Variants in DENND1A observed in about 807,000 individuals in gnomAD.
The protein encoded by DENND1A is DENN domain containing 1A, also known as DENN domain-containing protein 1A.
DENND1A carries 51 observed loss-of-function variants against 113.7 expected under a neutral mutation model. The ratio of observed to expected loss-of-function variants is 0.45; its 90% CI spans 0.36 to 0.57. The LOEUF is 0.57. DENND1A is among the 20% of genes least tolerant of loss of function. The probability of loss-of-function intolerance (pLI) is 0.00; values close to 1 mark genes in which losing one functional copy is unlikely to be tolerated. For synonymous variants in DENND1A, 565 were observed against 570.8 expected (o/e 0.99, Z 0.14); for missense variants, 1,258 against 1,395.9 (o/e 0.90, Z 1.57).
Position 123,816,482 on chromosome 9 carries a change from G to A in DENND1A, c.89-23852C>T, listed in dbSNP as rs185295349. Among the ~76,000 whole-genome samples, 502 of 152,302 alleles carry A rather than the reference G, an allele frequency of 3.3e-3. 4 individuals carry two copies. Among genetic ancestry groups the A allele is most frequent in the African/African-American group, 0.012 (481 of 41,558 alleles). On this transcript the variant is annotated intron_variant, in intron 2 of 23. Coordinates refer to ENST00000394215, the MANE Select transcript of DENND1A (RefSeq NM_001352964.2). ...GGTCTAGCCAGAAAGGTTAAATGCT[G>A]CGGATGAAGTTTTAAGGGAGGTTTA...
chr9:123,717,865 C>A (rs892363789), intron 5 of DENND1A, among the ~76,000 whole-genome samples: 12 of 152,142 alleles, frequency 7.9e-5, no homozygotes, highest in Non-Finnish European at 1.5e-4. Context: ...GCCCCCTATC[C>A]CTCCAGCATG....
intron 2 of DENND1A, among the ~76,000 whole-genome samples, chr9:123,853,880 G>A (rs574946242): frequency 7.9e-5 from 12 of 152,108 alleles, no homozygotes; most frequent in African/African-American, 2.2e-4. Context: ...TCAATGGGCC[G>A]GAAAATGTCT....
intron 21 of DENND1A, chr9:123,401,804 C>T (rs572575018): frequency 1.1e-5 from 18 of 1,614,154 alleles, no homozygotes; most frequent in African/African-American, 4.0e-5. Context: ...AAAGCAACGG[C>T]GTAAGTCAAT....
At chr9:123,766,006 G>GT (rs925295423) in intron 4 of DENND1A, among the ~76,000 whole-genome samples, 41 of 152,282 alleles carry the variant, frequency 2.7e-4, no homozygotes, top group African/African-American at 9.6e-4. Context: ...ATGAATTTCA[G>GT]TTTTAAAATC....
intron 1 of DENND1A, among the ~76,000 whole-genome samples, chr9:123,896,250 T>A (rs892095057): frequency 2.0e-5 from 3 of 152,020 alleles, no homozygotes; most frequent in Non-Finnish European, 2.9e-5. Context: ...AGTTCAAGGC[T>A]GCAGTCAGCC....
chr9:123,706,770 CAAAAAAAA>C lies in DENND1A; in HGVS notation c.303-29989_303-29982del, dbSNP rs575483682. Among the ~76,000 whole-genome samples the C allele has an allele frequency of 5.4e-4, 29 of 53,560 alleles. No individual in the cohort carries two copies. In the South Asian group the frequency reaches 0.021, roughly 39 times the overall value. 35.1% of individuals were successfully genotyped at this position (53,560 alleles called of 152,430 possible). A position where few individuals can be genotyped will look rare whatever the true frequency, so the allele number is the denominator to read the frequency against. On this transcript the variant is annotated intron_variant, in intron 5 of 23. Coordinates refer to ENST00000394215, the MANE Select transcript of DENND1A (RefSeq NM_001352964.2). Reference sequence around the variant, plus strand: ...TGGGTGACAGAGCGAGACTCCGTCTCAAAAAAAAAAAAAAAAAAAAAAAAAAATAGAGA... The same window carrying C: ...TGGGTGACAGAGCGAGACTCCGTCTCAAAAAAAAAAAAAAAAAAATAGAGA...
rs974892645 is a variant in DENND1A at position 123,671,451 on chromosome 9, A to G, written c.373-80T>C. 8 of 1,359,152 alleles carry G rather than the reference A, an allele frequency of 5.9e-6. No individual in the cohort carries two copies. In the African/African-American group the frequency reaches 7.3e-5, roughly 12 times the overall value. 84.2% of individuals were successfully genotyped at this position (1,359,152 alleles called of 1,614,324 possible). ...TACCTGCAGGGAGGTCTGGGCACAC[A>G]TGACTGAGGGGGCTGGGGAGATGCT... On this transcript the variant is annotated intron_variant, in intron 6 of 23. Transcript: ENST00000394215.
intron 3 of DENND1A, among the ~76,000 whole-genome samples, chr9:123,775,583 T>C (rs1460643825): frequency 1.3e-5 from 2 of 152,148 alleles, no homozygotes; most frequent in African/African-American, 4.8e-5. Flanking sequence ...TTAAAAGCTG[T>C]CAGCTTTTAA....
At chr9:123,406,442 C>T (rs1455288001) in intron 20 of DENND1A, among the ~76,000 whole-genome samples, 1 of 152,214 alleles carries the variant, frequency 6.6e-6, no homozygotes, top group Non-Finnish European at 1.5e-5. Context: ...AAAAGGAAGA[C>T]GATGAGTGGG....
intron 10 of DENND1A, among the ~76,000 whole-genome samples, chr9:123,621,543 A>G (rs1478703700): frequency 6.6e-6 from 1 of 152,178 alleles, no homozygotes; most frequent in Non-Finnish European, 1.5e-5. Flanking sequence ...ATATACAGCT[A>G]TATAGCTATG....
chr9:123,391,967 C>T (rs528291550), intron 21 of DENND1A, among the ~76,000 whole-genome samples: 1 of 152,260 alleles, frequency 6.6e-6, no homozygotes, highest in South Asian at 2.1e-4. Context: ...TGGATCAGAC[C>T]CCATCATCCC....
intron 21 of DENND1A, among the ~76,000 whole-genome samples, chr9:123,392,565 G>A (rs951591049): frequency 6.6e-5 from 10 of 152,262 alleles, no homozygotes; most frequent in African/African-American, 2.2e-4. Flanking sequence ...CTGCCTGTCC[G>A]GTGGGTGCCA....
chr9:123,443,779 A>G (rs2047103141), intron 18 of DENND1A, among the ~76,000 whole-genome samples: 6 of 152,188 alleles, frequency 3.9e-5, no homozygotes, highest in Admixed American at 2.6e-4. Flanking sequence ...ACATGGGGAA[A>G]CCCCATATCT....
intron 18 of DENND1A, among the ~76,000 whole-genome samples, chr9:123,442,331 G>A (rs1314663314): frequency 6.6e-6 from 1 of 152,164 alleles, no homozygotes; most frequent in East Asian, 1.9e-4. Context: ...GCCAGGCTGA[G>A]GCTCAGTGAT....
rs978879919 is a variant in DENND1A at position 123,475,068 on chromosome 9, G to T, written c.994-17171C>A. Among the ~76,000 whole-genome samples the T allele has an allele frequency of 3.3e-5, 5 of 152,202 alleles. No individual in the cohort carries two copies. The East Asian group carries it at 9.7e-4, about 29-fold the overall frequency. On this transcript the variant is annotated intron_variant, in intron 13 of 23. Coordinates refer to ENST00000394215, the MANE Select transcript of DENND1A (RefSeq NM_001352964.2). ...AGAGTCTTGCTCTGTTGCCCAGGTG[G>T]AGTGCAGTGGCCCGATCTCAGCTCA...
At chr9:123,886,753 C>T (rs999533740) in intron 1 of DENND1A, among the ~76,000 whole-genome samples, 7 of 152,136 alleles carry the variant, frequency 4.6e-5, no homozygotes, top group Non-Finnish European at 8.8e-5. Flanking sequence ...CTTTCTAGCC[C>T]ATAACAAGTT....
intron 9 of DENND1A, among the ~76,000 whole-genome samples, chr9:123,638,158 C>T (rs2061818793): frequency 6.6e-6 from 1 of 151,954 alleles, no homozygotes. Context: ...GCTTTCATGC[C>T]AAGATTTGAC....
chr9:123,488,148 C>T (rs769645144), intron 13 of DENND1A, among the ~76,000 whole-genome samples: 5 of 152,196 alleles, frequency 3.3e-5, no homozygotes, highest in African/African-American at 4.8e-5. Flanking sequence ...CAAGGCTTAG[C>T]CTGGACAGGG....
chr9:123,382,786 A>G (rs933428832), intron 23 of DENND1A, among the ~76,000 whole-genome samples, 161 bp from the exon 24 acceptor site: 1 of 152,220 alleles, frequency 6.6e-6, no homozygotes, highest in Non-Finnish European at 1.5e-5. Flanking sequence ...CCAGGTTACC[A>G]GCAGAGGACC....
Sources: gnomAD v4.1 joint callset for allele counts (sites outside exome capture counted in the v4.1 genomes callset) on GRCh38, gnomAD v4.1.1 for gene constraint, MANE v1.5 for transcripts, NCBI Gene and HGNC (gene_info 2026-07-23, HGNC 2026-07-21) for gene names.